The following SIRPA variants were observed in gnomAD, a reference collection of about 807,000 sequenced individuals.
SIRPA encodes signal regulatory protein alpha.
A neutral mutation model predicts 50.3 loss-of-function variants in SIRPA; 9 were observed. The observed-to-expected ratio is 0.18, with a 90% CI of 0.11 to 0.31. The LOEUF (loss-of-function observed/expected upper bound fraction) is 0.31, where lower values mean the gene tolerates loss of function less well. Ranked by LOEUF, SIRPA falls within the 10% of genes least tolerant of loss-of-function variation. The probability of loss-of-function intolerance (pLI) is 1.00; values close to 1 mark genes in which losing one functional copy is unlikely to be tolerated. For missense variants in SIRPA, 474 were observed against 661.6 expected, an observed-to-expected ratio of 0.72 and a Z score of 3.11; for synonymous variants, 265 against 284.1, an observed-to-expected ratio of 0.93 and a Z score of 0.68.
intron 1 of SIRPA, among the ~76,000 whole-genome samples, chr20:1,908,123 A>G (rs1984655429): frequency 6.6e-6 from 1 of 152,130 alleles, no homozygotes; most frequent in African/African-American, 2.4e-5. Flanking sequence ...GGCAGACTTG[A>G]GGGAAGTGTG....
intron 1 of SIRPA, among the ~76,000 whole-genome samples, chr20:1,900,509 G>A (rs1198469652): frequency 6.6e-6 from 1 of 152,198 alleles, no homozygotes; most frequent in African/African-American, 2.4e-5. Context: ...GCCTCTAGGT[G>A]TCTCTATCTG....
rs141823530 is a variant in SIRPA at position 1,898,805 on chromosome 20, T to C, written c.79+3279T>C. Reference sequence around the variant, plus strand: ...CACAGGCATTTCTCTGAAAGCCTGCTGAGGGTGGAAATACTGACAGCCCCT... The same window carrying C: ...CACAGGCATTTCTCTGAAAGCCTGCCGAGGGTGGAAATACTGACAGCCCCT... On this transcript the variant is annotated intron_variant, in intron 1 of 7. Transcript: ENST00000358771. This position sits in a 1 kb window ranked among gnomAD's most constrained non-coding sequence, Gnocchi z 4.3. Among the ~76,000 whole-genome samples, 278 of 152,248 alleles carry C rather than the reference T, an allele frequency of 1.8e-3. No homozygotes were observed. Among genetic ancestry groups the C allele is most frequent in the African/African-American group, 6.3e-3 (260 of 41,558 alleles).
chr20:1,903,028 A>G lies in SIRPA; in HGVS notation c.79+7502A>G, dbSNP rs866483582. ...CTCTGTCTCAAAAAAAAAAAAAAAA[A>G]AAAAGAAAAGAAAGAAAAGAAAATG... On this transcript the variant is annotated intron_variant, in intron 1 of 7. Transcript: ENST00000358771. Among the ~76,000 whole-genome samples the G allele has an allele frequency of 1.4e-3, 163 of 119,316 alleles. 1 individual carries two copies. The highest frequency in any genetic ancestry group is 1.3e-3 in the Non-Finnish European group (76 of 58,210). 78.3% of individuals were successfully genotyped at this position (119,316 alleles called of 152,430 possible). A position where few individuals can be genotyped will look rare whatever the true frequency, so the allele number is the denominator to read the frequency against.
upstream of SIRPA, among the ~76,000 whole-genome samples, chr20:1,895,087 C>T (rs1323778536): frequency 6.6e-6 from 1 of 151,414 alleles, no homozygotes; most frequent in Non-Finnish European, 1.5e-5. Flanking sequence ...GCTCCTCGCT[C>T]CTCGCTCTCC....
chr20:1,908,914 C>T (rs1031270529), intron 1 of SIRPA, among the ~76,000 whole-genome samples: 13 of 152,196 alleles, frequency 8.5e-5, no homozygotes, highest in African/African-American at 3.1e-4. Context: ...TTCACATGTG[C>T]TATTGCAAGG....
chr20:1,930,835 CT>C (rs1163125570), intron 6 of SIRPA, among the ~76,000 whole-genome samples: 1 of 152,220 alleles, frequency 6.6e-6, no homozygotes, highest in African/African-American at 2.4e-5. Context: ...GGTAATCCAC[CT>C]GCCTCGGCCT....
intron 7 of SIRPA, among the ~76,000 whole-genome samples, chr20:1,935,628 TC>T (rs1568515703): frequency 6.6e-6 from 1 of 152,158 alleles, no homozygotes; most frequent in Non-Finnish European, 1.5e-5. Context: ...GGAGATCTTC[TC>T]CCCCATCATT....
intron 6 of SIRPA, among the ~76,000 whole-genome samples, chr20:1,929,885 C>A (rs1437324128): frequency 6.6e-6 from 1 of 152,164 alleles, no homozygotes; most frequent in Non-Finnish European, 1.5e-5. Flanking sequence ...CAGATGCCCC[C>A]CTGAGGCTCC....
In SIRPA at chr20:1,936,086, A is replaced by G. The variant is rs2143541; in HGVS notation, c.1267-1234A>G. On this transcript the variant is annotated intron_variant, in intron 7 of 7. Coordinates refer to ENST00000358771, the MANE Select transcript of SIRPA (RefSeq NM_001040023.2). The surrounding 1 kb of genome is among the most constrained non-coding windows in gnomAD (Gnocchi z 4.2). ...GTGGTAAGAGTGGATGGGGTGATCT[A>G]TGTGATTGTGTGCTGCTTGTAAGCC... Among the ~76,000 whole-genome samples the G allele has an allele frequency of 0.86, 130,745 of 151,952 alleles. 56,921 individuals are homozygous for G. Among genetic ancestry groups the G allele is most frequent in the African/African-American group, 0.95 (39,350 of 41,456 alleles).
rs11395264 is a variant in SIRPA, at chr20:1,933,401, A to ACCCCCCCC, written c.1227-1311_1227-1304dup. 1.4e-5 allele frequency among the ~76,000 whole-genome samples: 2 copies of ACCCCCCCC among 139,636 alleles called. No individual in the cohort carries two copies. Among genetic ancestry groups the ACCCCCCCC allele is most frequent in the African/African-American group, 2.6e-5 (1 of 38,076 alleles). The allele number at this position is 139,636 out of a possible 152,430, so 91.6% of individuals were successfully genotyped here. On this transcript the variant is annotated intron_variant, in intron 6 of 7. Transcript: ENST00000358771. This position sits in a 1 kb window ranked among gnomAD's most constrained non-coding sequence, Gnocchi z 4.4. ...CATGAAGTACATAACATCAAATGCC[A>ACCCCCCCC]CCCCCCCCCCGAAATATCTGGTGGG... is the stretch of plus-strand genomic sequence containing the variant.
In SIRPA at chr20:1,905,171, C is replaced by T. The variant is rs75910822; in HGVS notation, c.79+9645C>T. Among the ~76,000 whole-genome samples, 891 of 152,304 alleles carry T rather than the reference C, an allele frequency of 5.9e-3. 6 individuals carry two copies. Among genetic ancestry groups the T allele is most frequent in the African/African-American group, 0.02 (841 of 41,550 alleles). On this transcript the variant is annotated intron_variant, in intron 1 of 7. Coordinates refer to ENST00000358771, the MANE Select transcript of SIRPA (RefSeq NM_001040023.2). ...CGTCAGTCCGGAGACTGTCTGCTGCCGGCAGTGTGCTGAAACCCTGGCAAA... is the reference window on the plus strand; with the variant it reads ...CGTCAGTCCGGAGACTGTCTGCTGCTGGCAGTGTGCTGAAACCCTGGCAAA...
chr20:1,916,528 T>C (rs1600423672), intron 2 of SIRPA, among the ~76,000 whole-genome samples: 1 of 152,312 alleles, frequency 6.6e-6, no homozygotes, highest in East Asian at 1.9e-4. Flanking sequence ...CCAGCACTTC[T>C]CCTTTCCATC....
intron 1 of SIRPA, among the ~76,000 whole-genome samples, chr20:1,901,677 C>G (rs1335636247): frequency 1.3e-5 from 2 of 152,132 alleles, no homozygotes; most frequent in Non-Finnish European, 2.9e-5. Context: ...CTTGCCAGGC[C>G]CTCAGTCCAG....
chr20:1,911,929 AAAAG>A (rs953614052), intron 1 of SIRPA, among the ~76,000 whole-genome samples: 8 of 151,816 alleles, frequency 5.3e-5, no homozygotes, highest in African/African-American at 1.9e-4. Flanking sequence ...CCTGCAGAGA[AAAAG>A]AAAGCAAGCA....
intron 1 of SIRPA, among the ~76,000 whole-genome samples, chr20:1,901,595 T>C (rs180952075): frequency 6.6e-6 from 1 of 152,306 alleles, no homozygotes; most frequent in Non-Finnish European, 1.5e-5. Flanking sequence ...TGCTTTCCTG[T>C]TAACTGCTGG....
At position 1,937,285 on chromosome 20, in the gene SIRPA, T is replaced by C. The variant is rs1986630787; in HGVS notation, c.1267-35T>C. ...TGGGCCAGGGGCTATAGAATGACCT[T>C]CTCATGACTTTCTCTTTGGGTATCT... On this transcript the variant is annotated intron_variant, in intron 7 of 7. Coordinates refer to ENST00000358771, the MANE Select transcript of SIRPA (RefSeq NM_001040023.2). The surrounding 1 kb of genome is among the most constrained non-coding windows in gnomAD (Gnocchi z 8.3). 3.1e-6 allele frequency: 5 copies of C among 1,598,834 alleles called. No homozygotes were observed. Among genetic ancestry groups the C allele is most frequent in the Non-Finnish European group, 4.3e-6 (5 of 1,170,012 alleles).
intron 1 of SIRPA, among the ~76,000 whole-genome samples, chr20:1,901,477 C>T (rs1465568286): frequency 3.9e-5 from 6 of 151,996 alleles, no homozygotes; most frequent in Admixed American, 1.3e-4. Flanking sequence ...GGCCTCCTCT[C>T]GTATTTCTAT....
At chr20:1,930,330 A>G (rs756183002) in intron 6 of SIRPA, among the ~76,000 whole-genome samples, 1 of 152,180 alleles carries the variant, frequency 6.6e-6, no homozygotes, top group Non-Finnish European at 1.5e-5. Context: ...CCACCCCTCA[A>G]GGCCAGGGCC....
rs17855609 is a variant in SIRPA, at chr20:1,915,167, A to T, written c.148A>T (p.Thr50Ser). The change falls in exon 2 of 8, where the codon ACA (threonine) becomes TCA (serine). Residue 50 changes from threonine to serine, a missense_variant. Transcript: ENST00000358771. ...DKSVLVAAGETATLRCTATSL... is the reference protein window; with the variant it reads ...DKSVLVAAGESATLRCTATSL... Reference sequence around the variant, plus strand: ...GTCCGTGTTGGTTGCAGCTGGAGAGACAGCCACTCTGCGCTGCACTGCGAC... The same window carrying T: ...GTCCGTGTTGGTTGCAGCTGGAGAGTCAGCCACTCTGCGCTGCACTGCGAC... The T allele has an allele frequency of 0.18, 233,929 of 1,279,666 alleles. 51,615 individuals carry two copies. Among genetic ancestry groups the T allele is most frequent in the East Asian group, 0.61 (22,860 of 37,612 alleles). 79.3% of individuals were successfully genotyped at this position (1,279,666 alleles called of 1,614,324 possible).
Sources: allele counts gnomAD v4.1 joint callset (sites outside exome capture counted in the v4.1 genomes callset), GRCh38; gene constraint gnomAD v4.1.1; non-coding constraint Gnocchi (gnomAD v3.1); transcripts MANE v1.5; gene names NCBI Gene and HGNC (gene_info 2026-07-23, HGNC 2026-07-21).